Variants in LRP3 observed in about 807,000 individuals in gnomAD.
LRP3 encodes the protein LDL receptor related protein 3.
Under a neutral mutation model 58.5 loss-of-function variants are expected in LRP3, and 49 were observed. The observed-to-expected ratio is 0.84, with a 90% confidence interval of 0.67 to 1.06. The LOEUF is 1.06. LRP3 is among the 50% of genes least tolerant of loss of function. LRP3 has a pLI of 0.00. For synonymous variants in LRP3, 485 were observed against 492.2 expected, an observed-to-expected ratio of 0.99 and a Z score of 0.20; for missense variants, 1,019 against 1,134.2, an observed-to-expected ratio of 0.90 and a Z score of 1.46.
chr19:33,197,947 G>A (rs1223112258), intron 2 of LRP3, among the ~76,000 whole-genome samples: 3 of 152,176 alleles, frequency 2.0e-5, no homozygotes, highest in Non-Finnish European at 4.4e-5. Flanking sequence ...GCTGGCTCAA[G>A]GCCGGGCCTT....
At position 33,194,874 on chromosome 19, in the gene LRP3, G is replaced by T. The variant is rs1001557903; in HGVS notation, c.73+16G>T. On this transcript the variant is annotated intron_variant, in intron 1 of 6. Transcript: ENST00000253193. ...GTCTGTCTGGGTGAGTGGGCCGCGC[G>T]GGCCGGGCAGGTCCGGGTCCCCCGC... 36 of 1,095,542 alleles carry T rather than the reference G, an allele frequency of 3.3e-5. No individual in the cohort carries two copies. The African/African-American group carries it at 5.5e-4, about 17-fold the overall frequency. 67.9% of individuals were successfully genotyped at this position (1,095,542 alleles called of 1,614,324 possible).
chr19:33,194,411 CG>C lies in LRP3; in HGVS notation c.-372del. Among the ~76,000 whole-genome samples, 1 of 144,628 alleles carries C rather than the reference CG, an allele frequency of 6.9e-6. No homozygotes were observed. Among genetic ancestry groups the C allele is most frequent in the East Asian group, 2.1e-4 (1 of 4,872 alleles). The allele number at this position is 144,628 out of a possible 152,430, so 94.9% of individuals were successfully genotyped here. On this transcript the variant is annotated 5_prime_UTR_variant, in exon 1 of 7. Transcript: ENST00000253193. ...CGGGGCGGCCCGGGGACGCCGGGGC[CG>C]GGCGGGCTGCGCGCCGCGGGGCATG...
intron 4 of LRP3, 98 bp from the exon 5 acceptor site, chr19:33,205,148 G>C (rs1260586111): frequency 7.5e-7 from 1 of 1,337,722 alleles, no homozygotes; most frequent in Non-Finnish European, 1.0e-6. Context: ...CTGCCACAGT[G>C]ATGGGGAACC....
chr19:33,207,295 G>A lies in LRP3; in HGVS notation c.2033G>A (p.Gly678Glu). ...PSAPGRAPEVGPSGPPLPSGL... is the reference protein window; with the variant it reads ...PSAPGRAPEVEPSGPPLPSGL... ...GCCCCCGGCCGTGCACCGGAGGTGG[G>A]ACCTTCAGGGCCACCCTTGCCCTCG... The change falls in exon 7 of 7, where the codon GGA (glycine) becomes GAA (glutamate). Residue 678 changes from glycine (G) to glutamate (E), a missense_variant. Physicochemically the swap from Gly to Glu is moderately conservative, Grantham distance 98 (BLOSUM62 -2). Coordinates refer to ENST00000253193, the MANE Select transcript of LRP3 (RefSeq NM_002333.4). The A allele has an allele frequency of 3.2e-6, 5 of 1,560,954 alleles. No individual in the cohort carries two copies. The highest frequency in any genetic ancestry group is 3.4e-6 in the Non-Finnish European group (4 of 1,161,536).
Position 33,205,931 on chromosome 19 carries a change from C to T in LRP3, c.1161C>T (p.Gly387=), listed in dbSNP as rs373486161. 1.9e-5 allele frequency: 30 copies of T among 1,597,908 alleles called. No individual in the cohort carries two copies. Among genetic ancestry groups the T allele is most frequent in the Non-Finnish European group, 2.1e-5 (25 of 1,172,128 alleles). Residue 387 remains glycine (G), a synonymous_variant, in exon 5 of 7, where the codon GGC becomes GGT. Transcript: ENST00000253193. ...SSSDSDGGSL[G]DQGCFSEPQR... Reference sequence around the variant, plus strand: ...GTGACAGTGACGGGGGCAGCCTGGGCGACCAGGGCTGCTTCTCAGAGCCAC... The same window carrying T: ...GTGACAGTGACGGGGGCAGCCTGGGTGACCAGGGCTGCTTCTCAGAGCCAC...
intron 2 of LRP3, among the ~76,000 whole-genome samples, chr19:33,198,763 C>T (rs535111501): frequency 1.3e-5 from 2 of 152,312 alleles, no homozygotes; most frequent in Admixed American, 1.3e-4. Context: ...GTGGCTCCAA[C>T]GGGGAGGGCC....
At chr19:33,206,402 A>T (rs770563530) in intron 5 of LRP3, 40 bp downstream of exon 5, 8 of 1,600,654 alleles carry the variant, frequency 5.0e-6, no homozygotes, top group East Asian at 2.2e-5. Flanking sequence ...GGGCTTCTTC[A>T]TCACCCAGGC....
chr19:33,195,990 G>A (rs532077010), intron 1 of LRP3, among the ~76,000 whole-genome samples: 2 of 151,570 alleles, frequency 1.3e-5, no homozygotes, highest in South Asian at 2.1e-4. Context: ...CGGGAAGTTG[G>A]GTTTCCCCCC....
intron 2 of LRP3, among the ~76,000 whole-genome samples, chr19:33,200,215 C>T (rs1181527719): frequency 6.6e-6 from 1 of 152,160 alleles, no homozygotes; most frequent in African/African-American, 2.4e-5. Context: ...AAGATCTCTT[C>T]TTTTGGATTT....
At chr19:33,205,209 T>A (rs750980804) in intron 4 of LRP3, 37 bp from the exon 5 acceptor site, 1 of 1,587,920 alleles carries the variant, frequency 6.3e-7, no homozygotes, top group African/African-American at 1.3e-5. Flanking sequence ...GGCTCTTCTG[T>A]CTCCTGACTG....
rs777625338 is a variant in LRP3, at chr19:33,205,262, A to T, written c.492A>T (p.Ala164=). ...LSYIRGKLGQ[A]SCQADEFRCD... ...ACCCCACAGGGAAGCTGGGCCAGGC[A>T]TCCTGCCAGGCAGATGAGTTCCGCT... The change falls in exon 5 of 7, where the codon GCA becomes GCT. Residue 164 remains alanine (A), a synonymous_variant. Transcript: ENST00000253193. 3 of 1,609,270 alleles carry T rather than the reference A, an allele frequency of 1.9e-6. No individual in the cohort carries two copies. The East Asian group carries it at 6.7e-5, about 36-fold the overall frequency.
In LRP3 at chr19:33,207,579, C is replaced by T. The variant is rs1974439623; in HGVS notation, c.*4C>T. The T allele has an allele frequency of 4.4e-6, 7 of 1,591,278 alleles. No homozygotes were observed. The East Asian group carries it at 1.3e-4, about 30-fold the overall frequency. Reference sequence around the variant, plus strand: ...TGAGGCCCTGTTGGTCTGTTGACCGCTGGGCTCGCTGGTGACCGCCACAGC... The same window carrying T: ...TGAGGCCCTGTTGGTCTGTTGACCGTTGGGCTCGCTGGTGACCGCCACAGC... On this transcript the variant is annotated 3_prime_UTR_variant, in exon 7 of 7. Coordinates refer to ENST00000253193, the MANE Select transcript of LRP3 (RefSeq NM_002333.4).
chr19:33,205,422 C>A lies in LRP3; in HGVS notation c.652C>A (p.Pro218Thr). The change falls in exon 5 of 7, where the codon CCA becomes ACA. Residue 218 changes from proline (P) to threonine (T), a missense_variant. By Grantham distance (38) the Pro-to-Thr change is conservative. Around this residue, in one of 2 missense-constraint regions of LRP3, gnomAD observed 592 missense variants for 725.5 expected, o/e 0.82. Transcript: ENST00000253193. ...CAGCCTGTGCCCCGGGGGGACCTTC[C>A]CATGCAGCGGGGCGCGCTCCACGCG... Reference protein sequence around the residue: ...PGSLCPGGTFPCSGARSTRCL... With the variant: ...PGSLCPGGTFTCSGARSTRCL... The A allele has an allele frequency of 6.3e-7, 1 of 1,593,462 alleles. No individual in the cohort carries two copies. Among genetic ancestry groups the A allele is most frequent in the South Asian group, 1.1e-5 (1 of 89,440 alleles).
intron 6 of LRP3, 124 bp from the exon 7 acceptor site, chr19:33,206,864 G>T (rs550982610): frequency 6.1e-5 from 75 of 1,228,834 alleles, no homozygotes; most frequent in Admixed American, 8.9e-5. Flanking sequence ...GGCCAGGTGG[G>T]GGGGGTGGAC....
At position 33,206,252 on chromosome 19, in the gene LRP3, C is replaced by T. The variant is rs1180460580; in HGVS notation, c.1482C>T (p.Pro494=). 1.3e-6 allele frequency: 2 copies of T among 1,598,636 alleles called. No individual in the cohort carries two copies. The highest frequency in any genetic ancestry group is 4.5e-5 in the East Asian group (2 of 44,468). Reference sequence around the variant, plus strand: ...AGCATGGGTGCCTGGCCGCCGTGCCCCGCAAGGTCATCACGGCGGCGCTCA... The same window carrying T: ...AGCATGGGTGCCTGGCCGCCGTGCCTCGCAAGGTCATCACGGCGGCGCTCA... ...SDEHGCLAAV[P]RKVITAALIG... Residue 494 remains proline, a synonymous_variant, in exon 5 of 7, where the codon CCC becomes CCT. Coordinates refer to ENST00000253193, the MANE Select transcript of LRP3 (RefSeq NM_002333.4).
Position 33,207,459 on chromosome 19 carries a change from G to A in LRP3, c.2197G>A (p.Ala733Thr), listed in dbSNP as rs375933579. 141 of 1,599,198 alleles carry A rather than the reference G, an allele frequency of 8.8e-5. No individual in the cohort carries two copies. Among genetic ancestry groups the A allele is most frequent in the Non-Finnish European group, 1.1e-4 (133 of 1,176,838 alleles). ...GGACCCGCACCCCCAGGTCTCCACT[G>A]CCAGCAGCACCCTGGGCCCCCACTC... ...AQDPHPQVSTASSTLGPHSPE... is the reference protein window; with the variant it reads ...AQDPHPQVSTTSSTLGPHSPE... Residue 733 changes from alanine (A) to threonine (T), a missense_variant, in exon 7 of 7, where the codon GCC (alanine) becomes ACC (threonine). Ala to Thr is a moderately conservative substitution (Grantham distance 58, BLOSUM62 0). Transcript: ENST00000253193.
chr19:33,208,458 C>A lies in LRP3; in HGVS notation c.*883C>A. The A allele has an allele frequency of 3.9e-6, 1 of 256,640 alleles. No homozygotes were observed. Among genetic ancestry groups the A allele is most frequent in the Non-Finnish European group, 7.6e-6 (1 of 131,374 alleles). 15.9% of individuals were successfully genotyped at this position (256,640 alleles called of 1,614,324 possible). ...GGGGTAGGGGCGGACTGAGCTGCTA[C>A]CCCATCCTCGACATCCCTTTAGGGC... On this transcript the variant is annotated 3_prime_UTR_variant, in exon 7 of 7. Transcript: ENST00000253193. This position sits in a 1 kb window ranked among gnomAD's most constrained non-coding sequence, Gnocchi z 4.7.
At position 33,194,636 on chromosome 19, in the gene LRP3, C is replaced by G. The variant is rs936990954; in HGVS notation, c.-150C>G. 7.4e-4 allele frequency: 124 copies of G among 167,796 alleles called. No individual in the cohort carries two copies. Among genetic ancestry groups the G allele is most frequent in the Non-Finnish European group, 1.2e-3 (102 of 83,114 alleles). 10.4% of individuals were successfully genotyped at this position (167,796 alleles called of 1,614,324 possible). ...GACGCCTCGGGAGCCGCCGCCTGCACCCGGGCCGCAGCAGCCACGCCAGCC... is the reference window on the plus strand; with the variant it reads ...GACGCCTCGGGAGCCGCCGCCTGCAGCCGGGCCGCAGCAGCCACGCCAGCC... On this transcript the variant is annotated 5_prime_UTR_variant, in exon 1 of 7. Coordinates refer to ENST00000253193, the MANE Select transcript of LRP3 (RefSeq NM_002333.4).
At chr19:33,201,731 A>T (rs1974343532) in intron 2 of LRP3, among the ~76,000 whole-genome samples, 1 of 151,982 alleles carries the variant, frequency 6.6e-6, no homozygotes, top group South Asian at 2.1e-4. Flanking sequence ...AATCAGATGG[A>T]CCAGCGTGGG....
Sources: allele counts gnomAD v4.1 joint callset (sites outside exome capture counted in the v4.1 genomes callset), GRCh38; gene constraint gnomAD v4.1.1; regional missense constraint gnomAD v4.1.1; non-coding constraint Gnocchi (gnomAD v3.1); transcripts MANE v1.5; gene names NCBI Gene and HGNC (gene_info 2026-07-23, HGNC 2026-07-21).